Variants in ACVR1B observed in about 807,000 individuals in gnomAD.
The protein encoded by ACVR1B is activin A receptor type 1B.
ACVR1B carries 15 observed loss-of-function variants against 55.6 expected under a neutral mutation model. The observed-to-expected ratio is 0.27, with a 90% CI of 0.18 to 0.42. ACVR1B has a LOEUF of 0.42. Ranked by LOEUF, ACVR1B falls within the 10% of genes least tolerant of loss-of-function variation. The pLI, the probability that ACVR1B is intolerant of heterozygous loss-of-function variation, is 1.00. For missense variants in ACVR1B, 359 were observed against 670.1 expected (o/e 0.54, Z 5.13); for synonymous variants, 247 against 254.6 (o/e 0.97, Z 0.28).
chr12:51,963,690 T>G (rs1414245832), intron 1 of ACVR1B, among the ~76,000 whole-genome samples: 1 of 152,274 alleles, frequency 6.6e-6, no homozygotes, highest in Non-Finnish European at 1.5e-5. Flanking sequence ...TCATTCATCA[T>G]TTGATGGACA....
intron 1 of ACVR1B, among the ~76,000 whole-genome samples, chr12:51,973,656 T>A (rs548308481): frequency 1.4e-4 from 22 of 152,344 alleles, no homozygotes; most frequent in African/African-American, 5.1e-4. Flanking sequence ...ATGATTTGGA[T>A]CCTAGTCTAA....
Position 51,953,417 on chromosome 12 carries a change from C to T in ACVR1B, c.91+1583C>T, listed in dbSNP as rs1014354751. ...AAGCACCTCGTGTGTGTTCTTCGGC[C>T]TCACTGCTCTGTGGCTTAGGTATCT... On this transcript the variant is annotated intron_variant, in intron 1 of 8. Transcript: ENST00000257963. 31 of 985,316 alleles carry T rather than the reference C, an allele frequency of 3.1e-5. No homozygotes were observed. In the African/African-American group the frequency reaches 5.2e-4, roughly 17 times the overall value. 61.0% of individuals were successfully genotyped at this position (985,316 alleles called of 1,614,324 possible).
chr12:51,978,287 A>G (rs564815911), intron 3 of ACVR1B, among the ~76,000 whole-genome samples: 3 of 152,182 alleles, frequency 2.0e-5, no homozygotes, highest in Non-Finnish European at 4.4e-5. Flanking sequence ...TTTAAGACCC[A>G]GACCAGCTGA....
Position 51,994,130 on chromosome 12 carries a change from G to A in ACVR1B, c.*20G>A, listed in dbSNP as rs759798095. 17 of 1,611,354 alleles carry A rather than the reference G, an allele frequency of 1.1e-5. No homozygotes were observed. Among genetic ancestry groups the A allele is most frequent in the South Asian group, 9.9e-5 (9 of 91,066 alleles). On this transcript the variant is annotated 3_prime_UTR_variant, in exon 9 of 9. Transcript: ENST00000257963. The surrounding 1 kb of genome is among the most constrained non-coding windows in gnomAD (Gnocchi z 4.2). ...ATCTAACTGCTCCCTCTCTCCACAC[G>A]GAGCTCCTGGCAGCGAGAACTACGC... is the stretch of plus-strand genomic sequence containing the variant.
chr12:51,959,595 TA>T (rs1202098383), intron 1 of ACVR1B, among the ~76,000 whole-genome samples: 1 of 152,190 alleles, frequency 6.6e-6, no homozygotes, highest in African/African-American at 2.4e-5. Context: ...AAATAGTAAC[TA>T]GGTGGTGGTT....
intron 1 of ACVR1B, among the ~76,000 whole-genome samples, chr12:51,961,476 C>G (rs543073964): frequency 2.6e-5 from 4 of 152,262 alleles, no homozygotes; most frequent in African/African-American, 9.6e-5. Flanking sequence ...TCTACCTCAC[C>G]TCTTTCATCT....
chr12:51,983,935 A>G, intron 4 of ACVR1B, 64 bp from the exon 5 acceptor site: 1 of 1,572,042 alleles, frequency 6.4e-7, no homozygotes, highest in Non-Finnish European at 8.7e-7. Context: ...ACTCATCCTT[A>G]CCAACCTTCA....
At chr12:51,967,273 A>G (rs1266565755) in intron 1 of ACVR1B, among the ~76,000 whole-genome samples, 4 of 148,762 alleles carry the variant, frequency 2.7e-5, no homozygotes, top group Admixed American at 2.7e-4. Context: ...AAATAAAAAC[A>G]TTAAAGGTGG....
chr12:51,969,398 T>C (rs966318883), intron 1 of ACVR1B, among the ~76,000 whole-genome samples: 2 of 152,220 alleles, frequency 1.3e-5, no homozygotes, highest in Non-Finnish European at 2.9e-5. Flanking sequence ...TTTCTTTAAA[T>C]GGCACCACAG....
At chr12:51,993,907 G>A (rs1942245825) in intron 8 of ACVR1B, 78 bp from the exon 9 acceptor site, 38 of 1,570,918 alleles carry the variant, frequency 2.4e-5, no homozygotes, top group Non-Finnish European at 3.3e-5. Flanking sequence ...AGGTGGCAGG[G>A]AAATGAGTGA....
chr12:51,987,251 G>A (rs984143239), intron 7 of ACVR1B: 1 of 625,314 alleles, frequency 1.6e-6, no homozygotes, highest in Non-Finnish European at 2.9e-6. Flanking sequence ...GCATAGCACG[G>A]GATTCATGCA....
intron 1 of ACVR1B, among the ~76,000 whole-genome samples, chr12:51,967,514 G>C (rs1358422713): frequency 1.3e-5 from 2 of 152,174 alleles, no homozygotes; most frequent in African/African-American, 2.4e-5. Context: ...AGCCGAAATC[G>C]TGCCATTGTA....
chr12:51,980,493 T>TGGGC (rs1369232784), intron 3 of ACVR1B, among the ~76,000 whole-genome samples: 2 of 152,200 alleles, frequency 1.3e-5, no homozygotes, highest in African/African-American at 4.8e-5. Context: ...TGGGAACCCA[T>TGGGC]GGGCCGCACA....
chr12:51,991,822 C>T, intron 7 of ACVR1B, 41 bp from the exon 8 acceptor site: 1 of 1,595,606 alleles, frequency 6.3e-7, no homozygotes, highest in Non-Finnish European at 8.6e-7. Context: ...TAATCTTTTC[C>T]TGCTGTTGAT....
intron 1 of ACVR1B, among the ~76,000 whole-genome samples, chr12:51,960,483 TGAG>T (rs1402052616): frequency 6.6e-6 from 1 of 152,110 alleles, no homozygotes; most frequent in Non-Finnish European, 1.5e-5. Context: ...CCACAAACTA[TGAG>T]GAGTTCAGGT....
rs942568322 is a variant in ACVR1B, at chr12:51,954,639, T to A, written c.91+2805T>A. ...ACTCTGGTTAAAGGTTAAAGCCAGA[T>A]GGAGGGAGGAGGCTGGTTTTCAGCC... On this transcript the variant is annotated intron_variant, in intron 1 of 8. Coordinates refer to ENST00000257963, the MANE Select transcript of ACVR1B (RefSeq NM_004302.5). Among the ~76,000 whole-genome samples, 7 of 152,344 alleles carry A rather than the reference T, an allele frequency of 4.6e-5. 2 individuals are homozygous for A. The highest frequency in any genetic ancestry group is 4.6e-4 in the Admixed American group (7 of 15,306).
intron 3 of ACVR1B, 56 bp from the exon 4 acceptor site, chr12:51,980,913 T>C: frequency 1.4e-6 from 2 of 1,480,958 alleles, no homozygotes; most frequent in Non-Finnish European, 1.8e-6. Flanking sequence ...AGTGTGGGAG[T>C]TGGAAAATTT....
chr12:51,980,875 T>G, intron 3 of ACVR1B, 94 bp from the exon 4 acceptor site: 2 of 1,007,628 alleles, frequency 2.0e-6, no homozygotes, highest in African/African-American at 3.2e-5. Context: ...GAAGACACCA[T>G]GTTAAGGGTG....
chr12:51,974,961 A>G (rs1425010349), intron 1 of ACVR1B, among the ~76,000 whole-genome samples: 2 of 152,312 alleles, frequency 1.3e-5, no homozygotes, highest in Non-Finnish European at 2.9e-5. Flanking sequence ...GCAGCCCCAC[A>G]TTCTCCAAAA....
Sources: gnomAD v4.1 joint callset for allele counts (sites outside exome capture counted in the v4.1 genomes callset) on GRCh38, gnomAD v4.1.1 for gene constraint, Gnocchi (gnomAD v3.1) non-coding constraint, MANE v1.5 for transcripts, NCBI Gene and HGNC (gene_info 2026-07-23, HGNC 2026-07-21) for gene names.